Variants in ASH2L observed in about 807,000 individuals in gnomAD.
ASH2L encodes the protein set1/Ash2 histone methyltransferase complex subunit ASH2.
In ASH2L, 30 loss-of-function variants were observed where a neutral mutation model predicts 81.1. The ratio of observed to expected loss-of-function variants is 0.37; its 90% CI spans 0.28 to 0.50. ASH2L has a LOEUF of 0.50. ASH2L is among the 20% of genes least tolerant of loss of function. The probability of loss-of-function intolerance (pLI) is 0.95; values close to 1 mark genes in which losing one functional copy is unlikely to be tolerated. For synonymous variants in ASH2L, 273 were observed against 279.9 expected (o/e 0.98, Z 0.24); for missense variants, 559 against 792.1 (o/e 0.71, Z 3.53).
chr8:38,133,608 C>A, intron 13 of ASH2L, 62 bp downstream of exon 13: 1 of 1,317,786 alleles, frequency 7.6e-7, no homozygotes, highest in South Asian at 1.3e-5. Context: ...CCCATTCCTT[C>A]ATTATAAAAG....
chr8:38,108,848 GAC>G (rs1340645901), intron 3 of ASH2L, among the ~76,000 whole-genome samples: 1 of 152,156 alleles, frequency 6.6e-6, no homozygotes, highest in Admixed American at 6.5e-5. Flanking sequence ...AGGAGGCCGA[GAC>G]AGGAGAATGA....
At chr8:38,117,152 T>C (rs1810940086) in intron 8 of ASH2L, among the ~76,000 whole-genome samples, 1 of 152,246 alleles carries the variant, frequency 6.6e-6, no homozygotes, top group Non-Finnish European at 1.5e-5. Context: ...CATTTCTATA[T>C]TAACCACCCA....
chr8:38,130,078 T>C (rs911491109), intron 12 of ASH2L, among the ~76,000 whole-genome samples: 12 of 152,324 alleles, frequency 7.9e-5, no homozygotes, highest in Non-Finnish European at 1.3e-4. Context: ...GATGGGTGTG[T>C]AGTAGTATCT....
chr8:38,105,921 C>A, intron 1 of ASH2L, 183 bp downstream of exon 1: 2 of 1,484,334 alleles, frequency 1.3e-6, no homozygotes, highest in Admixed American at 2.3e-5. Flanking sequence ...GCCCCTTCCG[C>A]ACCTTTCACG....
Position 38,128,699 on chromosome 8 carries a change from A to G in ASH2L, c.1334-59A>G, listed in dbSNP as rs1005973039. On this transcript the variant is annotated intron_variant, in intron 11 of 15. Transcript: ENST00000343823. Reference sequence around the variant, plus strand: ...AAAAGAAATAGGATCTTTTTCCTTCAGCAAACTAGATTTGACTTGCAATCT... The same window carrying G: ...AAAAGAAATAGGATCTTTTTCCTTCGGCAAACTAGATTTGACTTGCAATCT... 8 of 1,564,350 alleles carry G rather than the reference A, an allele frequency of 5.1e-6. No individual in the cohort carries two copies. The African/African-American group carries it at 6.9e-5, about 14-fold the overall frequency.
chr8:38,135,054 A>G (rs1802200610), intron 13 of ASH2L, among the ~76,000 whole-genome samples: 1 of 146,408 alleles, frequency 6.8e-6, no homozygotes, highest in African/African-American at 2.5e-5. Flanking sequence ...GCTTACTTTA[A>G]AAAAAAAAAA....
rs3763555 is a variant in ASH2L, at chr8:38,110,521, G to C, written c.490+54G>C. Reference sequence around the variant, plus strand: ...ATGATTATCCACTGGAAAAGAAAAGGGATCTGGGCGTAGCAGAATCAGGAG... The same window carrying C: ...ATGATTATCCACTGGAAAAGAAAAGCGATCTGGGCGTAGCAGAATCAGGAG... On this transcript the variant is annotated intron_variant, in intron 4 of 15. Transcript: ENST00000343823. 0.02 allele frequency: 30,091 copies of C among 1,521,024 alleles called. 2,210 individuals carry two copies. In the East Asian group the frequency reaches 0.25, roughly 13 times the overall value. 94.2% of individuals were successfully genotyped at this position (1,521,024 alleles called of 1,614,324 possible).
chr8:38,120,332 T>C (rs1811084954), intron 9 of ASH2L, among the ~76,000 whole-genome samples: 1 of 152,138 alleles, frequency 6.6e-6, no homozygotes, highest in Non-Finnish European at 1.5e-5. Context: ...CTCCTTTAGC[T>C]CCTTAACTTT....
rs1036925338 is a variant in ASH2L at position 38,139,386 on chromosome 8, G to A, written c.*315G>A. On this transcript the variant is annotated 3_prime_UTR_variant, in exon 16 of 16. Coordinates refer to ENST00000343823, the MANE Select transcript of ASH2L (RefSeq NM_004674.5). Reference sequence around the variant, plus strand: ...CTTGTTATCCTACTATATTTTCTAAGGAGTGAATAATATTGTCCGAGTAAC... The same window carrying A: ...CTTGTTATCCTACTATATTTTCTAAAGAGTGAATAATATTGTCCGAGTAAC... 4 of 224,358 alleles carry A rather than the reference G, an allele frequency of 1.8e-5. No individual in the cohort carries two copies. Among genetic ancestry groups the A allele is most frequent in the Non-Finnish European group, 3.5e-5 (4 of 114,476 alleles). The allele number at this position is 224,358 out of a possible 1,614,324, so 13.9% of individuals were successfully genotyped here. A position where few individuals can be genotyped will look rare whatever the true frequency, so the allele number is the denominator to read the frequency against.
In ASH2L at chr8:38,128,154, T is replaced by A. The variant is rs570276193; in HGVS notation, c.1166-137T>A. ...GTATCTTATGCTGAGATTTTTAAAC[T>A]CCTCAACTAATATTTCAAACACCTG... On this transcript the variant is annotated intron_variant, in intron 10 of 15. Transcript: ENST00000343823. 70 of 1,013,900 alleles carry A rather than the reference T, an allele frequency of 6.9e-5. No individual in the cohort carries two copies. The African/African-American group carries it at 1.0e-3, about 15-fold the overall frequency. The allele number at this position is 1,013,900 out of a possible 1,614,324, so 62.8% of individuals were successfully genotyped here. A position where few individuals can be genotyped will look rare whatever the true frequency, so the allele number is the denominator to read the frequency against.
intron 3 of ASH2L, 110 bp downstream of exon 3, chr8:38,107,276 A>G (rs1040138824): frequency 7.2e-7 from 1 of 1,384,994 alleles, no homozygotes; most frequent in South Asian, 1.3e-5. Context: ...TATGTCTCCT[A>G]ACCCCTATTC....
chr8:38,121,273 T>G lies in ASH2L; in HGVS notation c.1165+124T>G, dbSNP rs1006583595. On this transcript the variant is annotated intron_variant, in intron 10 of 15. Coordinates refer to ENST00000343823, the MANE Select transcript of ASH2L (RefSeq NM_004674.5). ...CCACTGCCTCACCCCCATCTCTGTC[T>G]AGATTCATCCAGAATGTGCAAGAAA... 6 of 737,846 alleles carry G rather than the reference T, an allele frequency of 8.1e-6. No homozygotes were observed. In the African/African-American group the frequency reaches 1.1e-4, roughly 13 times the overall value. The allele number at this position is 737,846 out of a possible 1,614,324, so 45.7% of individuals were successfully genotyped here. A position where few individuals can be genotyped will look rare whatever the true frequency, so the allele number is the denominator to read the frequency against.
At chr8:38,108,877 C>T (rs567620124) in intron 3 of ASH2L, among the ~76,000 whole-genome samples, 6 of 152,150 alleles carry the variant, frequency 3.9e-5, no homozygotes, top group Admixed American at 2.0e-4. Flanking sequence ...CCCAGGACTT[C>T]GAGACTAGCC....
chr8:38,111,334 C>T (rs1051929841), intron 5 of ASH2L, among the ~76,000 whole-genome samples: 11 of 152,100 alleles, frequency 7.2e-5, no homozygotes, highest in African/African-American at 2.4e-4. Context: ...AGCAATTTGC[C>T]TTCCTCGGCC....
At chr8:38,126,203 C>CA (rs766575804) in intron 10 of ASH2L, among the ~76,000 whole-genome samples, 1,574 of 127,824 alleles carry the variant, frequency 0.012, 13 homozygotes, top group African/African-American at 0.029. Context: ...ACTCTATCTC[C>CA]AAAAAAAAAA....
chr8:38,114,893 A>G lies in ASH2L; in HGVS notation c.682-12A>G, dbSNP rs78064147. ...AAATGTTCATTAATAGTAAAACACT[A>G]CTTCTTTTTAGAGTAAAGAAAGAGA... On this transcript the variant is annotated splice_polypyrimidine_tract_variant and intron_variant, in intron 6 of 15. Coordinates refer to ENST00000343823, the MANE Select transcript of ASH2L (RefSeq NM_004674.5). 4,498 of 1,523,860 alleles carry G rather than the reference A, an allele frequency of 3.0e-3. 113 individuals are homozygous for G. In the African/African-American group the frequency reaches 0.054, roughly 18 times the overall value. 94.4% of individuals were successfully genotyped at this position (1,523,860 alleles called of 1,614,324 possible). A position where few individuals can be genotyped will look rare whatever the true frequency, so the allele number is the denominator to read the frequency against.
At chr8:38,121,200 A>G (rs1246679782) in intron 10 of ASH2L, 51 bp downstream of exon 10, 3 of 1,512,846 alleles carry the variant, frequency 2.0e-6, no homozygotes, top group Middle Eastern at 2.3e-4. Context: ...TTGAACTGCC[A>G]TCATTAGCCT....
At chr8:38,128,151 A>G (rs1585598269) in intron 10 of ASH2L, 140 bp from the exon 11 acceptor site, 2 of 985,038 alleles carry the variant, frequency 2.0e-6, no homozygotes, top group East Asian at 5.3e-5. Flanking sequence ...GAGATTTTTA[A>G]ACTCCTCAAC....
At position 38,107,003 on chromosome 8, in the gene ASH2L, C is replaced by G. The variant is rs994700700; in HGVS notation, c.256-18C>G. The G allele has an allele frequency of 1.2e-6, 2 of 1,613,376 alleles. No homozygotes were observed. Among genetic ancestry groups the G allele is most frequent in the South Asian group, 1.1e-5 (1 of 91,026 alleles). On this transcript the variant is annotated intron_variant, in intron 2 of 15. Transcript: ENST00000343823. ...CATTCAAGTCAACTGATTTGAGTCT[C>G]GAACTGCTCTGACACAGGAAGGTGC...
Sources: gnomAD v4.1 joint callset for allele counts (sites outside exome capture counted in the v4.1 genomes callset) on GRCh38, gnomAD v4.1.1 for gene constraint, MANE v1.5 for transcripts, NCBI Gene and HGNC (gene_info 2026-07-23, HGNC 2026-07-21) for gene names.